Variants in FGF13 observed in about 807,000 individuals in gnomAD.
The protein encoded by FGF13 is fibroblast growth factor homologous factor 2.
FGF13 carries 2 observed loss-of-function variants against 19.5 expected under a neutral mutation model. The ratio of observed to expected loss-of-function variants is 0.10; its 90% CI spans 0.04 to 0.32. FGF13 has a LOEUF of 0.32. FGF13 is among the 10% of genes least tolerant of loss of function. The pLI is 1.00. For missense variants in FGF13, 113 were observed against 192.7 expected, an observed-to-expected ratio of 0.59 and a Z score of 2.45; for synonymous variants, 72 against 76.9, an observed-to-expected ratio of 0.94 and a Z score of 0.33.
At chrX:139,078,886 C>T (rs1389366059) in intron 1 of FGF13, among the ~76,000 whole-genome samples, 1 of 113,020 alleles carries the variant, frequency 8.8e-6, no homozygotes, top group East Asian at 2.8e-4. Flanking sequence ...AAAGCAGCTA[C>T]TACAATAATA....
chrX:138,953,739 A>G (rs1162327587), intron 1 of FGF13, among the ~76,000 whole-genome samples: 1 of 111,303 alleles, frequency 9.0e-6, no homozygotes, highest in Non-Finnish European at 1.9e-5. Flanking sequence ...ACTACTTAGC[A>G]ATAAAAAGAA....
Position 138,632,928 on chromosome X carries a change from G to A in FGF13, c.660C>T (p.Ser220=), listed in dbSNP as rs375990260. 93 of 1,208,093 alleles carry A rather than the reference G, an allele frequency of 7.7e-5. No homozygotes were observed. The highest frequency in any genetic ancestry group is 2.3e-4 in the Middle Eastern group (1 of 4,353). ...CACTTCTGCTCTTGGTTGGGGTCCC[G>A]CTTCCAGATCGGGAGAACTCCGTGA... ...HDLTEFSRSG[S]GTPTKSRSVS... The change falls in exon 5 of 5, where the codon AGC becomes AGT. Residue 220 remains serine (S), a synonymous_variant. Transcript: ENST00000315930.
intron 3 of FGF13, among the ~76,000 whole-genome samples, chrX:138,677,950 C>G (rs2089689023): frequency 8.9e-6 from 1 of 111,976 alleles, no homozygotes; most frequent in African/African-American, 3.2e-5. Context: ...CAATGATAGA[C>G]TGGATTAAGA....
rs62602171 is a variant in FGF13, at chrX:138,737,741, C to T, written c.28+1501G>A. Among the ~76,000 whole-genome samples the T allele has an allele frequency of 7.3e-3, 810 of 111,571 alleles. 4 individuals carry two copies. The highest frequency in any genetic ancestry group is 0.013 in the African/African-American group (400 of 30,785). On this transcript the variant is annotated intron_variant, in intron 1 of 4. Transcript: ENST00000305414. ...TTAGTGTGTGTGTTTCACTCAAATACTTTACAAGCAGAGTGATGAGTGTAC... is the reference window on the plus strand; with the variant it reads ...TTAGTGTGTGTGTTTCACTCAAATATTTTACAAGCAGAGTGATGAGTGTAC...
chrX:138,713,287 T>C (rs1235771191), upstream of FGF13, among the ~76,000 whole-genome samples: 1 of 112,291 alleles, frequency 8.9e-6, no homozygotes, highest in Non-Finnish European at 1.9e-5. Context: ...AATGACTGAT[T>C]GATATTGATT....
intron 3 of FGF13, among the ~76,000 whole-genome samples, chrX:138,778,296 T>G (rs2090605741): frequency 9.8e-6 from 1 of 102,339 alleles, no homozygotes; most frequent in African/African-American, 3.7e-5. Context: ...TAAAATGGCT[T>G]ACATCCAAAG....
chrX:138,751,023 G>A (rs764302880), intron 3 of FGF13, among the ~76,000 whole-genome samples: 1 of 110,730 alleles, frequency 9.0e-6, no homozygotes, highest in Non-Finnish European at 1.9e-5. Context: ...AGAGTTTCAG[G>A]AAGGAAGAAG....
chrX:138,894,036 C>T (rs2091490403), intron 1 of FGF13, among the ~76,000 whole-genome samples: 1 of 111,853 alleles, frequency 8.9e-6, no homozygotes, highest in African/African-American at 3.3e-5. Flanking sequence ...AGACATATTT[C>T]TGTGGTATTA....
chrX:138,944,510 G>GAA (rs60982420), intron 1 of FGF13, among the ~76,000 whole-genome samples: 13,303 of 47,722 alleles, frequency 0.28, 1,221 homozygotes, highest in African/African-American at 0.44. Flanking sequence ...CAAAAAAAAA[G>GAA]AAAAAAAAAA....
chrX:139,138,858 G>A (rs1429075562), intron 1 of FGF13, among the ~76,000 whole-genome samples: 5 of 110,646 alleles, frequency 4.5e-5, no homozygotes, highest in African/African-American at 9.9e-5. Context: ...GAGACACAGC[G>A]TGGACTCTGA....
intron 1 of FGF13, among the ~76,000 whole-genome samples, chrX:139,045,993 C>T (rs749060179): frequency 1.7e-4 from 19 of 111,782 alleles, no homozygotes; most frequent in African/African-American, 5.2e-4. Context: ...ATACCCCACT[C>T]GTGGTACCAA....
In FGF13 at chrX:139,074,721, C is replaced by A. The variant is rs139500754; in HGVS notation, c.-113+128695G>T. 8.7e-3 allele frequency among the ~76,000 whole-genome samples: 982 copies of A among 112,333 alleles called. 10 individuals carry two copies. The highest frequency in any genetic ancestry group is 0.029 in the African/African-American group (906 of 30,926). On this transcript the variant is annotated intron_variant, in intron 1 of 2. Transcript: ENST00000421460. ...AGTGCTTTACCATGGACAGGTAGACCTGGAAGTCTCCGCCCCCTTCTCAAC... is the reference window on the plus strand; with the variant it reads ...AGTGCTTTACCATGGACAGGTAGACATGGAAGTCTCCGCCCCCTTCTCAAC...
At chrX:138,661,437 C>T (rs930040943) in intron 3 of FGF13, among the ~76,000 whole-genome samples, 17 of 111,708 alleles carry the variant, frequency 1.5e-4, no homozygotes, top group Non-Finnish European at 3.2e-4. Context: ...GATGCTAAGT[C>T]CACTTGGTGC....
intron 1 of FGF13, among the ~76,000 whole-genome samples, chrX:139,093,334 C>T (rs1446393904): frequency 8.9e-6 from 1 of 111,906 alleles, no homozygotes; most frequent in Admixed American, 9.5e-5. Context: ...AATTTACTAC[C>T]CTGCCTGTGC....
intron 1 of FGF13, among the ~76,000 whole-genome samples, chrX:139,066,436 T>C (rs2092356722): frequency 9.0e-6 from 1 of 110,857 alleles, no homozygotes; most frequent in African/African-American, 3.3e-5. Flanking sequence ...AGGAAAGAGA[T>C]AAGAATCAAA....
chrX:138,902,099 C>CA (rs1163930110), intron 1 of FGF13, among the ~76,000 whole-genome samples: 95 of 112,096 alleles, frequency 8.5e-4, no homozygotes, highest in African/African-American at 2.9e-3. Context: ...TACTTCCTGA[C>CA]ATTTTAAGAA....
chrX:138,780,208 T>A (rs1343414925), intron 3 of FGF13, among the ~76,000 whole-genome samples: 3 of 107,811 alleles, frequency 2.8e-5, no homozygotes, highest in Non-Finnish European at 3.8e-5. Flanking sequence ...CGCCGCAAAA[T>A]CATGCCAAAA....
At chrX:138,741,585 C>T (rs753507229), upstream of FGF13, among the ~76,000 whole-genome samples, 30 of 111,533 alleles carry the variant, frequency 2.7e-4, no homozygotes, top group Middle Eastern at 9.3e-3. Context: ...TTTTGCATTC[C>T]ACATCCCCCT....
chrX:138,896,120 T>C (rs1289096159), intron 1 of FGF13, among the ~76,000 whole-genome samples: 3 of 112,019 alleles, frequency 2.7e-5, no homozygotes, highest in African/African-American at 9.7e-5. Context: ...TAATGTAGTG[T>C]ACTTTTCACA....
Sources: allele counts gnomAD v4.1 joint callset (sites outside exome capture counted in the v4.1 genomes callset), GRCh38; gene constraint gnomAD v4.1.1; transcripts MANE v1.5; gene names NCBI Gene and HGNC (gene_info 2026-07-23, HGNC 2026-07-21).